The following LRRIQ1 variants were observed in gnomAD, a reference collection of about 807,000 sequenced individuals.
The protein encoded by LRRIQ1 is leucine rich repeats and IQ motif containing 1.
Under a neutral mutation model 211.9 loss-of-function variants are expected in LRRIQ1, and 210 were observed. The ratio of observed to expected loss-of-function variants is 0.99; its 90% CI spans 0.89 to 1.11. The LOEUF (loss-of-function observed/expected upper bound fraction) is 1.11. Among genes scored for constraint, LRRIQ1 ranks in the 50% most tolerant of loss-of-function variants. The pLI is 0.00. For synonymous variants in LRRIQ1, 699 were observed against 650.1 expected (o/e 1.08, Z -1.14); for missense variants, 2,136 against 1,939.5 (o/e 1.10, Z -1.90).
intron 23 of LRRIQ1, among the ~76,000 whole-genome samples, chr12:85,156,144 T>C (rs1308393450): frequency 6.6e-6 from 1 of 151,770 alleles, no homozygotes; most frequent in African/African-American, 2.4e-5. Context: ...TAATCCAAAT[T>C]GCATTCTTAT....
intron 24 of LRRIQ1, among the ~76,000 whole-genome samples, chr12:85,210,383 G>T (rs1006748101): frequency 2.6e-5 from 4 of 152,140 alleles, no homozygotes; most frequent in African/African-American, 9.7e-5. Flanking sequence ...GTGTTTCCAC[G>T]CTGCAAAAGG....
At chr12:85,066,722 CTAAT>C in intron 9 of LRRIQ1, 22 bp from the exon 10 acceptor site, 1 of 1,561,786 alleles carries the variant, frequency 6.4e-7, no homozygotes, top group Non-Finnish European at 8.6e-7. Flanking sequence ...TGAAATAAAA[CTAAT>C]TACATTTGTT....
intron 3 of LRRIQ1, among the ~76,000 whole-genome samples, 197 bp from the exon 4 acceptor site, chr12:85,044,521 T>C (rs1204958141): frequency 6.6e-6 from 1 of 151,968 alleles, no homozygotes; most frequent in Non-Finnish European, 1.5e-5. Flanking sequence ...ATTTATTACT[T>C]TTATTTTTAG....
At chr12:85,228,676 C>CT (rs1182579959) in intron 24 of LRRIQ1, among the ~76,000 whole-genome samples, 1 of 152,116 alleles carries the variant, frequency 6.6e-6, no homozygotes, top group East Asian at 1.9e-4. Flanking sequence ...ACATGCTAAG[C>CT]TTGTATGTAT....
intron 18 of LRRIQ1, among the ~76,000 whole-genome samples, chr12:85,137,191 TC>T (rs1889196399): frequency 6.6e-6 from 1 of 151,244 alleles, no homozygotes; most frequent in African/African-American, 2.4e-5. Flanking sequence ...CACTTATTTC[TC>T]CCTTGGTTTT....
chr12:85,127,235 CACATA>C (rs1888432688), intron 17 of LRRIQ1, among the ~76,000 whole-genome samples: 1 of 152,300 alleles, frequency 6.6e-6, no homozygotes, highest in African/African-American at 2.4e-5. Flanking sequence ...ATATGGAAAA[CACATA>C]ACATTGATCC....
chr12:85,256,263 A>G (rs1896088113), intron 1 of LRRIQ1, among the ~76,000 whole-genome samples: 1 of 151,738 alleles, frequency 6.6e-6, no homozygotes, highest in Non-Finnish European at 1.5e-5. Flanking sequence ...GACAGGATTC[A>G]TGCATGCTCT....
chr12:85,045,696 A>G (rs1469671500), intron 4 of LRRIQ1, among the ~76,000 whole-genome samples: 2 of 151,938 alleles, frequency 1.3e-5, no homozygotes, highest in African/African-American at 2.4e-5. Flanking sequence ...AATAGAATAT[A>G]TTAAAAGGAA....
chr12:85,095,234 A>T (rs1190253683), intron 11 of LRRIQ1, among the ~76,000 whole-genome samples: 3 of 152,060 alleles, frequency 2.0e-5, no homozygotes, highest in Non-Finnish European at 2.9e-5. Context: ...CATTCATTAT[A>T]ATCTTGGTTG....
chr12:85,236,857 C>A (rs868757573), intron 26 of LRRIQ1, among the ~76,000 whole-genome samples: 139 of 58,044 alleles, frequency 2.4e-3, no homozygotes, highest in African/African-American at 0.013. Context: ...ATATATATAT[C>A]TCCCAGATTA....
intron 6 of LRRIQ1, among the ~76,000 whole-genome samples, chr12:85,049,187 T>C (rs1025311876): frequency 6.6e-6 from 1 of 152,166 alleles, no homozygotes; most frequent in Non-Finnish European, 1.5e-5. Context: ...TTACTTTCTG[T>C]CAGTAGTTCT....
At chr12:85,140,758 T>A (rs1049610197) in intron 19 of LRRIQ1, among the ~76,000 whole-genome samples, 2 of 151,214 alleles carry the variant, frequency 1.3e-5, no homozygotes, top group East Asian at 3.9e-4. Context: ...TTTAAGGAAG[T>A]TAACTTCCTT....
At chr12:85,198,863 C>T (rs188651779) in intron 24 of LRRIQ1, among the ~76,000 whole-genome samples, 1 of 152,076 alleles carries the variant, frequency 6.6e-6, no homozygotes, top group South Asian at 2.1e-4. Context: ...ACACCGCACC[C>T]GGCCGATGTT....
chr12:85,201,374 C>T (rs1339781140), intron 24 of LRRIQ1, among the ~76,000 whole-genome samples: 1 of 151,306 alleles, frequency 6.6e-6, no homozygotes, highest in Non-Finnish European at 1.5e-5. Flanking sequence ...ATGATACCAG[C>T]TCTTCTTTTA....
intron 24 of LRRIQ1, among the ~76,000 whole-genome samples, chr12:85,178,318 A>G (rs1209229035): frequency 1.3e-5 from 2 of 152,106 alleles, no homozygotes; most frequent in African/African-American, 2.4e-5. Flanking sequence ...TAATACTGCC[A>G]TTGAAAATAT....
Position 85,121,875 on chromosome 12 carries a change from G to C in LRRIQ1, c.3556G>C (p.Gly1186Arg). The C allele has an allele frequency of 6.3e-7, 1 of 1,593,684 alleles. No individual in the cohort carries two copies. The highest frequency in any genetic ancestry group is 1.8e-5 in the Admixed American group (1 of 56,226). ...AATTGAAAATTATATAACTGGAAAA[G>C]GGTAAGATTGTGATCTTCCCATTGA... is the stretch of plus-strand genomic sequence containing the variant. ...LLIENYITGK[G>R]DVFTLDTAEN... is the part of the protein sequence containing the mutation. Residue 1186 changes from glycine to arginine, a missense_variant and splice_region_variant, in exon 16 of 27, where the codon GGA becomes CGA. Coordinates refer to ENST00000393217, the MANE Select transcript of LRRIQ1 (RefSeq NM_001079910.2).
intron 26 of LRRIQ1, among the ~76,000 whole-genome samples, chr12:85,238,205 C>T (rs370124921): frequency 6.6e-6 from 1 of 151,528 alleles, no homozygotes; most frequent in South Asian, 2.1e-4. Flanking sequence ...AAGATAAACT[C>T]TCCAAAGTGG....
In LRRIQ1 at chr12:85,177,659, T is replaced by C. The variant is rs530074942; in HGVS notation, c.4822+16945T>C. ...TAAGGCACAGGGCAATTTTAGTCTG[T>C]CCTTTTTAGTCCATATTGAGGATTT... On this transcript the variant is annotated intron_variant, in intron 24 of 26. Transcript: ENST00000393217. 3.9e-5 allele frequency among the ~76,000 whole-genome samples: 6 copies of C among 152,242 alleles called. No homozygotes were observed. The East Asian group carries it at 1.2e-3, about 29-fold the overall frequency.
rs377176302 is a variant in LRRIQ1 at position 85,124,327 on chromosome 12, C to T, written c.3815C>T (p.Ser1272Phe). 3 of 1,613,924 alleles carry T rather than the reference C, an allele frequency of 1.9e-6. No individual in the cohort carries two copies. The highest frequency in any genetic ancestry group is 1.7e-6 in the Non-Finnish European group (2 of 1,180,018). ...DIPEKWMDSV[S>F]SHSPLSKSAT... The stretch of plus-strand genomic sequence containing the variant: ...CCTGAGAAATGGATGGACTCTGTCT[C>T]CAGCCACTCCCCATTAAGCAAATCC... The change falls in exon 17 of 27, where the codon TCC becomes TTC. Residue 1272 changes from serine to phenylalanine, a missense_variant. Transcript: ENST00000393217.
Sources: allele counts gnomAD v4.1 joint callset (sites outside exome capture counted in the v4.1 genomes callset), GRCh38; gene constraint gnomAD v4.1.1; transcripts MANE v1.5; gene names NCBI Gene and HGNC (gene_info 2026-07-23, HGNC 2026-07-21).